The following RBFOX1 variants were observed in gnomAD, a reference collection of about 807,000 sequenced individuals.
The protein encoded by RBFOX1 is RNA binding fox-1 homolog 1.
In RBFOX1, 8 loss-of-function variants were observed where a neutral mutation model predicts 57.7. That is an observed-to-expected ratio of 0.14 (90% CI 0.08 to 0.25). The LOEUF (loss-of-function observed/expected upper bound fraction) is 0.25. Among genes scored for constraint, RBFOX1 ranks in the 10% least tolerant of loss-of-function variants. RBFOX1 has a pLI of 1.00. For synonymous variants in RBFOX1, 326 were observed against 222.4 expected, an observed-to-expected ratio of 1.47 and a Z score of -4.15; for missense variants, 611 against 548.5, an observed-to-expected ratio of 1.11 and a Z score of -1.14.
intron 3 of RBFOX1, among the ~76,000 whole-genome samples, chr16:5,777,638 G>A (rs1567528344): frequency 2.0e-5 from 3 of 152,132 alleles, no homozygotes; most frequent in African/African-American, 4.8e-5. Context: ...ATTTAAAAGC[G>A]GAATAATGCT....
chr16:5,365,344 C>T (rs753661551), intron 1 of RBFOX1, among the ~76,000 whole-genome samples: 1 of 152,156 alleles, frequency 6.6e-6, no homozygotes, highest in Non-Finnish European at 1.5e-5. Flanking sequence ...CATCACCCAA[C>T]ACATAAAGTC....
rs199906359 is a variant in RBFOX1, at chr16:7,427,636, TTTTATTTTTA to T, written c.28-90503_28-90494del. Among the ~76,000 whole-genome samples, 1,266 of 151,932 alleles carry T rather than the reference TTTTATTTTTA, an allele frequency of 8.3e-3. 16 individuals carry two copies. The highest frequency in any genetic ancestry group is 0.029 in the African/African-American group (1,204 of 41,504). On this transcript the variant is annotated intron_variant, in intron 4 of 15. Coordinates refer to ENST00000550418, the MANE Select transcript of RBFOX1 (RefSeq NM_018723.4). ...TCTTTTTCTTCTTCTTTTTATTTTT[TTTTATTTTTA>T]TTTATTTATTTTTTTTGAGATGGAG...
At chr16:5,413,348 C>A (rs762285618) in intron 1 of RBFOX1, among the ~76,000 whole-genome samples, 1 of 152,158 alleles carries the variant, frequency 6.6e-6, no homozygotes, top group Non-Finnish European at 1.5e-5. Flanking sequence ...TTTTCTTTCT[C>A]CTCATTACTG....
intron 3 of RBFOX1, among the ~76,000 whole-genome samples, chr16:5,837,701 T>C (rs556640925): frequency 6.6e-6 from 1 of 152,202 alleles, no homozygotes; most frequent in African/African-American, 2.4e-5. Flanking sequence ...CCCATTCCTG[T>C]TTTACCTTTA....
chr16:5,715,084 G>A (rs1456542870), intron 3 of RBFOX1, among the ~76,000 whole-genome samples: 2 of 152,170 alleles, frequency 1.3e-5, no homozygotes, highest in African/African-American at 4.8e-5. Context: ...TGACGCAGCC[G>A]CCTTGTTTAG....
At chr16:5,630,536 C>T (rs2048474163) in intron 3 of RBFOX1, among the ~76,000 whole-genome samples, 1 of 152,182 alleles carries the variant, frequency 6.6e-6, no homozygotes, top group Non-Finnish European at 1.5e-5. Flanking sequence ...TACAAAAGTT[C>T]TTCAATCTCT....
At chr16:5,356,916 G>A (rs2065404646) in intron 1 of RBFOX1, among the ~76,000 whole-genome samples, 1 of 152,166 alleles carries the variant, frequency 6.6e-6, no homozygotes, top group Non-Finnish European at 1.5e-5. Flanking sequence ...TTGTTACCTG[G>A]CATTAGGCTA....
chr16:6,073,566 C>G (rs1209973523), intron 1 of RBFOX1, among the ~76,000 whole-genome samples: 1 of 152,092 alleles, frequency 6.6e-6, no homozygotes, highest in Non-Finnish European at 1.5e-5. Flanking sequence ...CCCGTGTTTG[C>G]TTTAGAACGT....
At chr16:6,733,151 G>T (rs896506234) in intron 3 of RBFOX1, among the ~76,000 whole-genome samples, 10 of 152,260 alleles carry the variant, frequency 6.6e-5, no homozygotes, top group African/African-American at 2.4e-4. Context: ...TGTGAATAAT[G>T]AGAACAGCCA....
intron 3 of RBFOX1, among the ~76,000 whole-genome samples, chr16:6,790,198 A>C (rs1425439580): frequency 6.8e-6 from 1 of 147,554 alleles, no homozygotes; most frequent in African/African-American, 2.5e-5. Flanking sequence ...TATTATTATT[A>C]TTTTATGACA....
At chr16:5,612,378 C>T (rs1353946200) in intron 3 of RBFOX1, among the ~76,000 whole-genome samples, 1 of 152,140 alleles carries the variant, frequency 6.6e-6, no homozygotes, top group Non-Finnish European at 1.5e-5. Flanking sequence ...CACCATGTGC[C>T]AGGTCCTGTG....
rs148724598 is a variant in RBFOX1 at position 7,081,071 on chromosome 16, G to C, written c.27+28973G>C. ...TTTTTTTGAGGCAGAGTCTCACTCT[G>C]TCACCAAGGCTGGAGTGCAGTGGCA... is the stretch of plus-strand genomic sequence containing the variant. On this transcript the variant is annotated intron_variant, in intron 4 of 15. Transcript: ENST00000550418. 5.4e-3 allele frequency among the ~76,000 whole-genome samples: 820 copies of C among 152,266 alleles called. 8 individuals carry two copies. The highest frequency in any genetic ancestry group is 0.019 in the African/African-American group (773 of 41,548).
At chr16:5,651,217 T>C (rs1335008632) in intron 3 of RBFOX1, among the ~76,000 whole-genome samples, 1 of 151,780 alleles carries the variant, frequency 6.6e-6, no homozygotes, top group Non-Finnish European at 1.5e-5. Context: ...CATACCCAGC[T>C]AATTTTTGTC....
At chr16:6,727,949 A>T (rs2067634588) in intron 3 of RBFOX1, among the ~76,000 whole-genome samples, 2 of 152,174 alleles carry the variant, frequency 1.3e-5, no homozygotes, top group South Asian at 4.1e-4. Context: ...ACGCACAGAG[A>T]TGAAGGGAAG....
intron 4 of RBFOX1, among the ~76,000 whole-genome samples, chr16:7,163,362 G>C (rs925156814): frequency 4.6e-5 from 7 of 152,152 alleles, no homozygotes; most frequent in African/African-American, 1.4e-4. Flanking sequence ...CATGTGAGGA[G>C]ATTTTGCTTT....
chr16:6,515,353 A>C (rs2096354699), intron 2 of RBFOX1, among the ~76,000 whole-genome samples: 1 of 152,188 alleles, frequency 6.6e-6, no homozygotes, highest in Non-Finnish European at 1.5e-5. Flanking sequence ...TTCTACTCAA[A>C]CAACCTTCAG....
intron 4 of RBFOX1, among the ~76,000 whole-genome samples, chr16:7,446,009 C>A (rs1339930824): frequency 6.6e-6 from 1 of 152,122 alleles, no homozygotes; most frequent in African/African-American, 2.4e-5. Context: ...CTAATCTCAG[C>A]CTGCCCAACA....
intron 3 of RBFOX1, among the ~76,000 whole-genome samples, chr16:5,685,410 G>A (rs1195036396): frequency 6.6e-6 from 1 of 152,114 alleles, no homozygotes; most frequent in African/African-American, 2.4e-5. Context: ...TATTGCCTAA[G>A]GTTTTGCCTT....
At chr16:6,232,295 A>G (rs1439685459) in intron 1 of RBFOX1, among the ~76,000 whole-genome samples, 2 of 152,214 alleles carry the variant, frequency 1.3e-5, no homozygotes, top group Non-Finnish European at 2.9e-5. Flanking sequence ...GTCACTGAGC[A>G]GAATGCTTAA....
Sources: gnomAD v4.1 joint callset for allele counts (sites outside exome capture counted in the v4.1 genomes callset) on GRCh38, gnomAD v4.1.1 for gene constraint, MANE v1.5 for transcripts, NCBI Gene and HGNC (gene_info 2026-07-23, HGNC 2026-07-21) for gene names.